Variants in MAPK10 observed in about 807,000 individuals in gnomAD.
MAPK10 encodes the protein mitogen-activated protein kinase 10.
Under a neutral mutation model 59.3 loss-of-function variants are expected in MAPK10, and 25 were observed. The observed-to-expected ratio is 0.42, with a 90% CI of 0.31 to 0.59. MAPK10 has a LOEUF of 0.59. MAPK10 is among the 20% of genes least tolerant of loss of function. MAPK10 has a pLI of 0.15. For synonymous variants in MAPK10, 190 were observed against 200.5 expected, an observed-to-expected ratio of 0.95 and a Z score of 0.44; for missense variants, 351 against 568.9, an observed-to-expected ratio of 0.62 and a Z score of 3.90.
intron 13 of MAPK10, among the ~76,000 whole-genome samples, chr4:86,018,641 C>G (rs1744620156): frequency 6.6e-6 from 1 of 152,026 alleles, no homozygotes; most frequent in South Asian, 2.1e-4. Flanking sequence ...ACCAGAGCAC[C>G]CTGGAAACAA....
chr4:86,034,375 G>A (rs1406550743), intron 11 of MAPK10, among the ~76,000 whole-genome samples: 1 of 151,854 alleles, frequency 6.6e-6, no homozygotes, highest in East Asian at 1.9e-4. Flanking sequence ...TTTTATTGAT[G>A]GTTAATTTCA....
chr4:86,330,354 T>C (rs2096123770), intron 2 of MAPK10, among the ~76,000 whole-genome samples: 1 of 152,192 alleles, frequency 6.6e-6, no homozygotes, highest in African/African-American at 2.4e-5. Context: ...GGTTTCCCTC[T>C]CTGCTCTCTC....
At chr4:86,287,557 G>A (rs568408263) in intron 2 of MAPK10, among the ~76,000 whole-genome samples, 46 of 152,220 alleles carry the variant, frequency 3.0e-4, no homozygotes, top group South Asian at 1.0e-3. Flanking sequence ...AGCATCAGGC[G>A]TTCTAAAAAT....
intron 1 of MAPK10, among the ~76,000 whole-genome samples, chr4:86,557,139 A>T (rs1760331745): frequency 6.6e-6 from 1 of 152,100 alleles, no homozygotes; most frequent in Non-Finnish European, 1.5e-5. Flanking sequence ...AAAAAAAATG[A>T]GTAAAAAAGA....
chr4:86,140,919 A>C (rs2063512724), intron 4 of MAPK10, among the ~76,000 whole-genome samples: 1 of 152,204 alleles, frequency 6.6e-6, no homozygotes, highest in South Asian at 2.1e-4. Context: ...GTGTTTGTCA[A>C]CAGCAATTTT....
chr4:86,065,965 T>C (rs978205110), intron 10 of MAPK10, among the ~76,000 whole-genome samples: 1 of 152,164 alleles, frequency 6.6e-6, no homozygotes, highest in African/African-American at 2.4e-5. Flanking sequence ...AAATAATATC[T>C]AACCCCACTA....
intron 1 of MAPK10, among the ~76,000 whole-genome samples, chr4:86,479,604 A>G (rs1425810713): frequency 6.6e-6 from 1 of 151,926 alleles, no homozygotes; most frequent in Non-Finnish European, 1.5e-5. Context: ...CCAAGCCACC[A>G]CAGCTGATGT....
intron 11 of MAPK10, among the ~76,000 whole-genome samples, chr4:86,049,935 C>T (rs541325992): frequency 6.6e-6 from 1 of 151,952 alleles, no homozygotes; most frequent in South Asian, 2.1e-4. Context: ...GCTTGGGTAC[C>T]CTCTGGGAAT....
At chr4:86,299,705 G>A (rs894924636) in intron 2 of MAPK10, among the ~76,000 whole-genome samples, 2 of 152,016 alleles carry the variant, frequency 1.3e-5, no homozygotes, top group African/African-American at 4.8e-5. Context: ...TCACCTAAAG[G>A]CAAATACTAG....
chr4:86,096,472 CCTGAAGAG>C (rs2054246090), intron 9 of MAPK10, among the ~76,000 whole-genome samples: 1 of 151,588 alleles, frequency 6.6e-6, no homozygotes, highest in Non-Finnish European at 1.5e-5. Flanking sequence ...CGCATAAATG[CCTGAAGAG>C]CTAAATAAGA....
intron 1 of MAPK10, among the ~76,000 whole-genome samples, chr4:86,513,935 G>A (rs1215136395): frequency 2.6e-5 from 4 of 152,088 alleles, no homozygotes; most frequent in Non-Finnish European, 4.4e-5. Flanking sequence ...AAAATGTTCT[G>A]ATACTGACTC....
chr4:86,211,863 T>C (rs1220077638), intron 2 of MAPK10, among the ~76,000 whole-genome samples: 1 of 152,146 alleles, frequency 6.6e-6, no homozygotes, highest in African/African-American at 2.4e-5. Context: ...GAAGTTAAGT[T>C]GGTATAAATT....
intron 4 of MAPK10, among the ~76,000 whole-genome samples, chr4:86,107,955 C>A (rs1028109159): frequency 1.3e-5 from 2 of 152,106 alleles, no homozygotes; most frequent in East Asian, 3.9e-4. Context: ...GCCTCAGTCT[C>A]TTTAGTAGCT....
intron 1 of MAPK10, among the ~76,000 whole-genome samples, chr4:86,568,199 C>T (rs1223346025): frequency 6.6e-6 from 1 of 152,076 alleles, no homozygotes; most frequent in Non-Finnish European, 1.5e-5. Context: ...TTTACAATAA[C>T]TACAAATAAA....
rs146155368 is a variant in MAPK10, at chr4:86,236,101, ACT to A, written c.-6-41696_-6-41695del. Among the ~76,000 whole-genome samples the A allele has an allele frequency of 4.7e-4, 71 of 150,452 alleles. 1 individual carries two copies. The East Asian group carries it at 0.011, about 24-fold the overall frequency. ...GCCAGAAGTGTAACATCTGCAACAC[ACT>A]CTCTCTCTCTGACCTCTGTTTTTGT... On this transcript the variant is annotated intron_variant, in intron 2 of 13. Transcript: ENST00000641462.
chr4:86,234,820 A>G (rs2092033005), intron 2 of MAPK10, among the ~76,000 whole-genome samples: 1 of 152,178 alleles, frequency 6.6e-6, no homozygotes, highest in Non-Finnish European at 1.5e-5. Context: ...TTAGACTTAA[A>G]TCAACAACCT....
chr4:86,363,793 T>C (rs1439803641), upstream of MAPK10, among the ~76,000 whole-genome samples: 1 of 151,960 alleles, frequency 6.6e-6, no homozygotes, highest in Non-Finnish European at 1.5e-5. Context: ...ATAAAACTCT[T>C]TTTTTTTGAG....
intron 2 of MAPK10, among the ~76,000 whole-genome samples, chr4:86,317,394 G>T (rs1485633761): frequency 2.0e-5 from 3 of 152,078 alleles, no homozygotes; most frequent in African/African-American, 7.2e-5. Flanking sequence ...ACCTCTGAGG[G>T]CCAGACTTAA....
chr4:86,148,602 T>C (rs965608439), intron 4 of MAPK10, among the ~76,000 whole-genome samples: 2 of 152,002 alleles, frequency 1.3e-5, no homozygotes, highest in Non-Finnish European at 2.9e-5. Context: ...ATTTCAGAAA[T>C]AGAAACAATT....
Sources: allele counts gnomAD v4.1 joint callset (sites outside exome capture counted in the v4.1 genomes callset), GRCh38; gene constraint gnomAD v4.1.1; transcripts MANE v1.5; gene names NCBI Gene and HGNC (gene_info 2026-07-23, HGNC 2026-07-21).